The following FAM180B variants were observed in gnomAD, a reference collection of about 807,000 sequenced individuals.
FAM180B encodes the protein protein FAM180B.
A neutral mutation model predicts 13.6 loss-of-function variants in FAM180B; 14 were observed. That is an observed-to-expected ratio of 1.03 (90% confidence interval 0.68 to 1.60). The LOEUF (loss-of-function observed/expected upper bound fraction) is 1.60. Ranked by LOEUF, FAM180B falls within the 40% of genes most tolerant of loss-of-function variation. The probability of loss-of-function intolerance (pLI) is 0.00; values close to 1 mark genes in which losing one functional copy is unlikely to be tolerated. For synonymous variants in FAM180B, 109 were observed against 97.0 expected, an observed-to-expected ratio of 1.12 and a Z score of -0.72; for missense variants, 212 against 230.4, an observed-to-expected ratio of 0.92 and a Z score of 0.52.
rs1314986019 is a variant in FAM180B at position 47,588,715 on chromosome 11, TGTGA to T, written c.*285_*288del. 12 of 148,632 alleles carry T rather than the reference TGTGA, an allele frequency of 8.1e-5. No homozygotes were observed. Among genetic ancestry groups the T allele is most frequent in the East Asian group, 5.5e-4 (5 of 9,098 alleles). 9.2% of individuals were successfully genotyped at this position (148,632 alleles called of 1,614,324 possible). ...GGGCACGACTTGCAGGCAGTGTGTGTGTGAGTGTGTGTGTGTGTGTGTGTGTGTG... is the reference window on the plus strand; with the variant it reads ...GGGCACGACTTGCAGGCAGTGTGTGTGTGTGTGTGTGTGTGTGTGTGTGTG... On this transcript the variant is annotated 3_prime_UTR_variant, in exon 3 of 3. Coordinates refer to ENST00000538490, the MANE Select transcript of FAM180B (RefSeq NM_001164379.3).
Position 47,588,102 on chromosome 11 carries a change from G to T in FAM180B, c.220G>T (p.Ala74Ser). The T allele has an allele frequency of 6.5e-7, 1 of 1,537,162 alleles. No individual in the cohort carries two copies. Among genetic ancestry groups the T allele is most frequent in the South Asian group, 1.2e-5 (1 of 84,054 alleles). The part of the protein sequence containing the change: ...GQLHIQDEEL[A>S]STHPGRRLRL... Reference sequence around the variant, plus strand: ...GCTGCACATCCAGGATGAGGAACTAGCGTCCACACACCCAGGCCGCCGACT... The same window carrying T: ...GCTGCACATCCAGGATGAGGAACTATCGTCCACACACCCAGGCCGCCGACT... Residue 74 changes from alanine to serine, a missense_variant, in exon 3 of 3, where the codon GCG becomes TCG. By Grantham distance (99) the Ala-to-Ser change is moderately conservative. Coordinates refer to ENST00000538490, the MANE Select transcript of FAM180B (RefSeq NM_001164379.3).
chr11:47,587,986 C>G, intron 2 of FAM180B, 53 bp from the exon 3 acceptor site: 1 of 1,487,288 alleles, frequency 6.7e-7, no homozygotes, highest in South Asian at 1.3e-5. Context: ...CACTCTTGCT[C>G]CCTGCCCTGC....
rs374178389 is a variant in FAM180B at position 47,589,036 on chromosome 11, C to G, written c.*602C>G. On this transcript the variant is annotated 3_prime_UTR_variant, in exon 3 of 3. Transcript: ENST00000538490. ...AAGCAGGGGGAGGGAGGAACATTAT[C>G]TCTTTTGGGGTAGGGAGGCAATATC... 1 of 152,014 alleles carries G rather than the reference C, an allele frequency of 6.6e-6. No homozygotes were observed. The highest frequency in any genetic ancestry group is 2.4e-5 in the African/African-American group (1 of 41,322). The allele number at this position is 152,014 out of a possible 1,614,324, so 9.4% of individuals were successfully genotyped here. A position where few individuals can be genotyped will look rare whatever the true frequency, so the allele number is the denominator to read the frequency against.
Position 47,588,242 on chromosome 11 carries a change from T to A in FAM180B, c.360T>A (p.His120Gln), listed in dbSNP as rs1428172428. Residue 120 changes from histidine to glutamine, a missense_variant, in exon 3 of 3, where the codon CAT (histidine) becomes CAA (glutamine). Transcript: ENST00000538490. The stretch of plus-strand genomic sequence containing the variant: ...CTCTTAGCACTTGGGACTTTGAACA[T>A]CTGCTCCTCACAGGCCTGTCCTGCG... ...GPPLSTWDFE[H>Q]LLLTGLSCVY... 6.5e-7 allele frequency: 1 copy of A among 1,536,932 alleles called. No individual in the cohort carries two copies. Among genetic ancestry groups the A allele is most frequent in the South Asian group, 1.2e-5 (1 of 84,060 alleles).
Position 47,588,719 on chromosome 11 carries a change from A to AGT in FAM180B, c.*321_*322dup, listed in dbSNP as rs58699057. 360 of 213,722 alleles carry AGT rather than the reference A, an allele frequency of 1.7e-3. 2 individuals are homozygous for AGT. The highest frequency in any genetic ancestry group is 8.0e-3 in the African/African-American group (315 of 39,482). 13.2% of individuals were successfully genotyped at this position (213,722 alleles called of 1,614,324 possible). A position where few individuals can be genotyped will look rare whatever the true frequency, so the allele number is the denominator to read the frequency against. ...ACGACTTGCAGGCAGTGTGTGTGTGAGTGTGTGTGTGTGTGTGTGTGTGTG... is the reference window on the plus strand; with the variant it reads ...ACGACTTGCAGGCAGTGTGTGTGTGAGTGTGTGTGTGTGTGTGTGTGTGTGTG... On this transcript the variant is annotated 3_prime_UTR_variant, in exon 3 of 3. Transcript: ENST00000538490.
Position 47,588,707 on chromosome 11 carries a change from A to AGTGTGTGTGAGAGT in FAM180B, c.*282_*283insAGAGTGTGTGTGTG, listed in dbSNP as rs1555199594. On this transcript the variant is annotated 3_prime_UTR_variant, in exon 3 of 3. Coordinates refer to ENST00000538490, the MANE Select transcript of FAM180B (RefSeq NM_001164379.3). ...AGAGCTAAGGGCACGACTTGCAGGC[A>AGTGTGTGTGAGAGT]GTGTGTGTGTGAGTGTGTGTGTGTG... 109 of 359,200 alleles carry AGTGTGTGTGAGAGT rather than the reference A, an allele frequency of 3.0e-4. 1 individual carries two copies. Among genetic ancestry groups the AGTGTGTGTGAGAGT allele is most frequent in the Non-Finnish European group, 4.9e-4 (99 of 202,178 alleles). The allele number at this position is 359,200 out of a possible 1,614,324, so 22.3% of individuals were successfully genotyped here. A position where few individuals can be genotyped will look rare whatever the true frequency, so the allele number is the denominator to read the frequency against.
At chr11:47,587,099 G>A (rs1339006556) in intron 1 of FAM180B, among the ~76,000 whole-genome samples, 1 of 152,162 alleles carries the variant, frequency 6.6e-6, no homozygotes, top group Non-Finnish European at 1.5e-5. Flanking sequence ...GATGCCCAAA[G>A]CAGGGTCTCT....
At position 47,588,303 on chromosome 11, in the gene FAM180B, C is replaced by CG; in HGVS notation, c.425dup (p.Arg143ProfsTer38). 6.5e-7 allele frequency: 1 copy of CG among 1,537,136 alleles called. No homozygotes were observed. ...CCACGCAGCTAGTGAGGCTGAGGAA[C>CG]GGGGCCGCTGGGCCCAGGTCTTCGC... is the stretch of plus-strand genomic sequence containing the variant. On this transcript the variant is annotated frameshift_variant, in exon 3 of 3. Coordinates refer to ENST00000538490, the MANE Select transcript of FAM180B (RefSeq NM_001164379.3). LOFTEE classifies it high-confidence loss of function.
In FAM180B at chr11:47,588,713, T is replaced by TGAGA; in HGVS notation, c.*280_*281insAGAG. ...AAGGGCACGACTTGCAGGCAGTGTGTGTGTGAGTGTGTGTGTGTGTGTGTG... is the reference window on the plus strand; with the variant it reads ...AAGGGCACGACTTGCAGGCAGTGTGTGAGAGTGTGAGTGTGTGTGTGTGTGTGTG... On this transcript the variant is annotated 3_prime_UTR_variant, in exon 3 of 3. Transcript: ENST00000538490. 2 of 148,552 alleles carry TGAGA rather than the reference T, an allele frequency of 1.3e-5. No individual in the cohort carries two copies. The highest frequency in any genetic ancestry group is 2.2e-5 in the Non-Finnish European group (2 of 90,856). 9.2% of individuals were successfully genotyped at this position (148,552 alleles called of 1,614,324 possible). A position where few individuals can be genotyped will look rare whatever the true frequency, so the allele number is the denominator to read the frequency against.
intron 2 of FAM180B, 104 bp downstream of exon 2, chr11:47,587,925 G>A: frequency 7.1e-7 from 1 of 1,410,074 alleles, no homozygotes. Flanking sequence ...AGGGTTGGGT[G>A]GGGCAAGCCA....
At position 47,589,107 on chromosome 11, in the gene FAM180B, G is replaced by A. The variant is rs1011785943; in HGVS notation, c.*673G>A. On this transcript the variant is annotated 3_prime_UTR_variant, in exon 3 of 3. Coordinates refer to ENST00000538490, the MANE Select transcript of FAM180B (RefSeq NM_001164379.3). The stretch of plus-strand genomic sequence containing the variant: ...ACCTCAGAGGGGGGAGTAAGGCTGG[G>A]AGACCAAGGAGAGACAAGCGGAGGT... 1.3e-5 allele frequency: 2 copies of A among 152,290 alleles called. No individual in the cohort carries two copies. The highest frequency in any genetic ancestry group is 4.8e-5 in the African/African-American group (2 of 41,406). The allele number at this position is 152,290 out of a possible 1,614,324, so 9.4% of individuals were successfully genotyped here.
rs1202125849 is a variant in FAM180B at position 47,588,102 on chromosome 11, G to C, written c.220G>C (p.Ala74Pro). Residue 74 changes from alanine to proline, a missense_variant, in exon 3 of 3, where the codon GCG becomes CCG. Ala to Pro is a conservative substitution (Grantham distance 27, BLOSUM62 -1). Transcript: ENST00000538490. ...GCTGCACATCCAGGATGAGGAACTA[G>C]CGTCCACACACCCAGGCCGCCGACT... Reference protein sequence around the residue: ...GQLHIQDEELASTHPGRRLRL... With the variant: ...GQLHIQDEELPSTHPGRRLRL... 4 of 1,537,044 alleles carry C rather than the reference G, an allele frequency of 2.6e-6. No homozygotes were observed. The East Asian group carries it at 7.3e-5, about 28-fold the overall frequency.
At position 47,588,400 on chromosome 11, in the gene FAM180B, G is replaced by C. The variant is rs2097272970; in HGVS notation, c.518G>C (p.Gly173Ala). ...CCCCAGGACCGGCCCCCTTCCCTGGGGTCCTGGGCCTCCATCCTTGACCCC... is the reference window on the plus strand; with the variant it reads ...CCCCAGGACCGGCCCCCTTCCCTGGCGTCCTGGGCCTCCATCCTTGACCCC... ...FCPQDRPPSLGSWASILDPFP is the reference protein window; with the variant it reads ...FCPQDRPPSLASWASILDPFP Residue 173 changes from glycine (G) to alanine (A), a missense_variant, in exon 3 of 3, where the codon GGG becomes GCG. Physicochemically the swap from Gly to Ala is moderately conservative, Grantham distance 60 (BLOSUM62 0). Coordinates refer to ENST00000538490, the MANE Select transcript of FAM180B (RefSeq NM_001164379.3). 5.3e-6 allele frequency: 8 copies of C among 1,516,332 alleles called. No individual in the cohort carries two copies. The highest frequency in any genetic ancestry group is 4.1e-5 in the African/African-American group (3 of 72,686). 93.9% of individuals were successfully genotyped at this position (1,516,332 alleles called of 1,614,324 possible). A position where few individuals can be genotyped will look rare whatever the true frequency, so the allele number is the denominator to read the frequency against.
In FAM180B at chr11:47,588,766, G is replaced by T; in HGVS notation, c.*332G>T. ...TGTGTGTGTGTGTGTGGAGATCAGG[G>T]GTCAGGGTTGAGAAGTGTGTTCAAG... On this transcript the variant is annotated 3_prime_UTR_variant, in exon 3 of 3. Coordinates refer to ENST00000538490, the MANE Select transcript of FAM180B (RefSeq NM_001164379.3). 4.8e-6 allele frequency: 1 copy of T among 209,294 alleles called. No individual in the cohort carries two copies. Among genetic ancestry groups the T allele is most frequent in the Non-Finnish European group, 9.4e-6 (1 of 106,404 alleles). 13.0% of individuals were successfully genotyped at this position (209,294 alleles called of 1,614,324 possible).
intron 2 of FAM180B, 87 bp from the exon 3 acceptor site, chr11:47,587,952 C>T (rs2097272564): frequency 1.1e-5 from 15 of 1,425,964 alleles, no homozygotes; most frequent in Non-Finnish European, 1.4e-5. Flanking sequence ...GTCCTGCTGC[C>T]TGCTTCTGCC....
chr11:47,588,242 TCTG>T lies in FAM180B; in HGVS notation c.363_365del (p.Leu123del), dbSNP rs2097272801. ...CTCTTAGCACTTGGGACTTTGAACA[TCTG>T]CTCCTCACAGGCCTGTCCTGCGTCT... is the stretch of plus-strand genomic sequence containing the variant. On this transcript the variant is annotated inframe_deletion, in exon 3 of 3. Transcript: ENST00000538490. 1 of 1,536,932 alleles carries T rather than the reference TCTG, an allele frequency of 6.5e-7. No homozygotes were observed. Among genetic ancestry groups the T allele is most frequent in the East Asian group, 2.4e-5 (1 of 40,914 alleles).
rs1182637756 is a variant in FAM180B at position 47,588,409 on chromosome 11, C to A, written c.527C>A (p.Ala176Asp). The change falls in exon 3 of 3, where the codon GCC becomes GAC. Residue 176 changes from alanine to aspartate, a missense_variant. Transcript: ENST00000538490. ...CGGCCCCCTTCCCTGGGGTCCTGGGCCTCCATCCTTGACCCCTTCCCCTGA... is the reference window on the plus strand; with the variant it reads ...CGGCCCCCTTCCCTGGGGTCCTGGGACTCCATCCTTGACCCCTTCCCCTGA... Reference protein sequence around the residue: ...QDRPPSLGSWASILDPFP With the variant: ...QDRPPSLGSWDSILDPFP The A allele has an allele frequency of 4.6e-6, 7 of 1,510,022 alleles. No individual in the cohort carries two copies. The Admixed American group carries it at 1.4e-4, about 31-fold the overall frequency. 93.5% of individuals were successfully genotyped at this position (1,510,022 alleles called of 1,614,324 possible). A position where few individuals can be genotyped will look rare whatever the true frequency, so the allele number is the denominator to read the frequency against.
chr11:47,586,947 C>A, intron 1 of FAM180B, 94 bp downstream of exon 1: 2 of 835,442 alleles, frequency 2.4e-6, no homozygotes, highest in Non-Finnish European at 3.9e-6. Flanking sequence ...GGCATAGAAG[C>A]GTGGGCATGG....
rs569599780 is a variant in FAM180B at position 47,588,511 on chromosome 11, G to C, written c.*77G>C. ...AACCCCCCAGGCAGACCCATCTTGC[G>C]CAGGGGCTTCTGTCTGGCATCTGAT... is the stretch of plus-strand genomic sequence containing the variant. On this transcript the variant is annotated 3_prime_UTR_variant, in exon 3 of 3. Coordinates refer to ENST00000538490, the MANE Select transcript of FAM180B (RefSeq NM_001164379.3). The C allele has an allele frequency of 1.9e-5, 13 of 685,960 alleles. No homozygotes were observed. In the South Asian group the frequency reaches 2.4e-4, roughly 13 times the overall value. 42.5% of individuals were successfully genotyped at this position (685,960 alleles called of 1,614,324 possible).
Sources: allele counts gnomAD v4.1 joint callset (sites outside exome capture counted in the v4.1 genomes callset), GRCh38; gene constraint gnomAD v4.1.1; transcripts MANE v1.5; gene names NCBI Gene and HGNC (gene_info 2026-07-23, HGNC 2026-07-21).